RARB: variants seen among roughly 807,000 people sequenced by gnomAD.
RARB encodes HBV-activated protein.
Under a neutral mutation model 51.9 loss-of-function variants are expected in RARB, and 17 were observed. The observed-to-expected ratio is 0.33, with a 90% CI of 0.22 to 0.49. The LOEUF (loss-of-function observed/expected upper bound fraction) is 0.49, where lower values mean the gene tolerates loss of function less well. Among genes scored for constraint, RARB ranks in the 20% least tolerant of loss-of-function variants. The probability of loss-of-function intolerance (pLI) is 0.99; values close to 1 mark genes in which losing one functional copy is unlikely to be tolerated. For missense variants in RARB, 369 were observed against 550.8 expected (o/e 0.67, Z 3.30); for synonymous variants, 215 against 195.4 (o/e 1.10, Z -0.84).
In RARB at chr3:24,970,238, CT is replaced by C. The variant is rs537430259; in HGVS notation, c.-379-89883del. On this transcript the variant is annotated intron_variant, in intron 2 of 11. Coordinates refer to the RARB transcript ENST00000383772. ...TGCTGATTTAGAAGGAATTCTACATCTTTTAAGCAATCAGCAAAGCAAAGAA... is the reference window on the plus strand; with the variant it reads ...TGCTGATTTAGAAGGAATTCTACATCTTTAAGCAATCAGCAAAGCAAAGAA... 1.8e-3 allele frequency among the ~76,000 whole-genome samples: 270 copies of C among 152,134 alleles called. 2 individuals are homozygous for C. The highest frequency in any genetic ancestry group is 6.8e-3 in the Middle Eastern group (2 of 294).
At chr3:25,110,405 A>G (rs569090867) in intron 3 of RARB, among the ~76,000 whole-genome samples, 2 of 152,354 alleles carry the variant, frequency 1.3e-5, no homozygotes, top group African/African-American at 2.4e-5. Context: ...AGAGATGCCA[A>G]AATCACTCAG....
At chr3:25,409,868 T>C (rs548004784) in intron 5 of RARB, among the ~76,000 whole-genome samples, 11 of 152,336 alleles carry the variant, frequency 7.2e-5, no homozygotes, top group African/African-American at 2.4e-4. Flanking sequence ...CCAGGAATCC[T>C]TCAGTGTTTA....
At chr3:25,531,388 GTAGATAGATAGATAGATAGATAGATAGA>G (rs142863604) in intron 3 of RARB, among the ~76,000 whole-genome samples, 1 of 145,330 alleles carries the variant, frequency 6.9e-6, no homozygotes, top group Non-Finnish European at 1.6e-5. Context: ...AGATAGATAG[GTAGATAGATAGATAGATAGATAGATAGA>G]TAGATAGAAG....
At chr3:25,257,427 T>C (rs1702893342) in intron 5 of RARB, among the ~76,000 whole-genome samples, 1 of 152,072 alleles carries the variant, frequency 6.6e-6, no homozygotes, top group Non-Finnish European at 1.5e-5. Context: ...AATAATTGTC[T>C]TCAGATTCTG....
chr3:25,496,401 A>G (rs529401777), intron 2 of RARB, among the ~76,000 whole-genome samples: 1 of 152,260 alleles, frequency 6.6e-6, no homozygotes, highest in African/African-American at 2.4e-5. Context: ...CCTGGAGGCC[A>G]CCTTGAGTCC....
At chr3:24,863,117 G>A in intron 2 of RARB, among the ~76,000 whole-genome samples, 1 of 152,178 alleles carries the variant, frequency 6.6e-6, no homozygotes, top group East Asian at 1.9e-4. Context: ...TGATTGATGG[G>A]GTGATGGCAG....
chr3:25,022,481 T>A (rs1697658431), intron 2 of RARB, among the ~76,000 whole-genome samples: 1 of 152,192 alleles, frequency 6.6e-6, no homozygotes, highest in African/African-American at 2.4e-5. Flanking sequence ...AGTTTCTAAT[T>A]TTTTAAATTT....
At chr3:25,553,288 G>T (rs1232320360) in intron 3 of RARB, among the ~76,000 whole-genome samples, 1 of 152,006 alleles carries the variant, frequency 6.6e-6, no homozygotes, top group Non-Finnish European at 1.5e-5. Flanking sequence ...GGTGGCCTCT[G>T]CCACTGGCGC....
intron 2 of RARB, among the ~76,000 whole-genome samples, chr3:25,489,560 G>A (rs923042117): frequency 2.0e-5 from 3 of 152,216 alleles, no homozygotes; most frequent in Non-Finnish European, 4.4e-5. Context: ...ATCCCTGCCT[G>A]CAAAGGACTC....
intron 5 of RARB, among the ~76,000 whole-genome samples, chr3:25,406,922 C>G (rs186722472): frequency 6.6e-6 from 1 of 152,288 alleles, no homozygotes; most frequent in South Asian, 2.1e-4. Flanking sequence ...CCCCACCAGC[C>G]CTTTGTTTTG....
intron 5 of RARB, among the ~76,000 whole-genome samples, chr3:25,313,557 A>G (rs1196603366): frequency 6.6e-6 from 1 of 152,052 alleles, no homozygotes; most frequent in East Asian, 1.9e-4. Flanking sequence ...AATATACTGT[A>G]GTGCTTGTCT....
At chr3:25,218,308 C>CG (rs1185977316) in intron 5 of RARB, among the ~76,000 whole-genome samples, 12 of 151,704 alleles carry the variant, frequency 7.9e-5, no homozygotes, top group Admixed American at 7.9e-4. Context: ...AGTGTGTGTG[C>CG]GCGCGTGTGC....
chr3:25,076,725 A>AT (rs1399270543), intron 3 of RARB, among the ~76,000 whole-genome samples: 7 of 151,874 alleles, frequency 4.6e-5, no homozygotes, highest in African/African-American at 9.7e-5. Flanking sequence ...AAAGCTTTGT[A>AT]TTTTTTTTGC....
chr3:25,144,109 C>T (rs1484252259), intron 4 of RARB, among the ~76,000 whole-genome samples: 1 of 152,190 alleles, frequency 6.6e-6, no homozygotes, highest in East Asian at 1.9e-4. Context: ...TTAGTTCATA[C>T]ATTCAACAGA....
rs189399237 is a variant in RARB, at chr3:25,543,550, T to C, written c.449-26208T>C. On this transcript the variant is annotated intron_variant, in intron 3 of 7. Transcript: ENST00000330688. ...CATTCTGGGTGGTTGGCCAAGGGGG[T>C]CACAGTTGTCCTATAATCAGATTAT... Among the ~76,000 whole-genome samples the C allele has an allele frequency of 7.2e-5, 11 of 152,052 alleles. No individual in the cohort carries two copies. The East Asian group carries it at 2.1e-3, about 30-fold the overall frequency.
intron 2 of RARB, among the ~76,000 whole-genome samples, chr3:25,032,972 T>C (rs545620722): frequency 6.6e-6 from 1 of 152,296 alleles, no homozygotes; most frequent in African/African-American, 2.4e-5. Context: ...TGAAACCCAT[T>C]ACAGTCAAAT....
At chr3:25,321,704 G>A (rs1044251729) in intron 5 of RARB, among the ~76,000 whole-genome samples, 3 of 151,782 alleles carry the variant, frequency 2.0e-5, no homozygotes, top group African/African-American at 4.8e-5. Flanking sequence ...GTGGCAGAGT[G>A]AGACTCCATC....
chr3:25,313,796 G>A (rs1026729236), intron 5 of RARB, among the ~76,000 whole-genome samples: 4 of 152,166 alleles, frequency 2.6e-5, no homozygotes, highest in South Asian at 4.1e-4. Context: ...CAGTCCAGGC[G>A]TGGTGGTTCA....
chr3:24,978,834 T>C (rs1430813075), intron 2 of RARB, among the ~76,000 whole-genome samples: 1 of 152,156 alleles, frequency 6.6e-6, no homozygotes, highest in African/African-American at 2.4e-5. Context: ...CTTCTTTTAA[T>C]TGTGATGTTA....
Sources: gnomAD v4.1 joint callset for allele counts (sites outside exome capture counted in the v4.1 genomes callset) on GRCh38, gnomAD v4.1.1 for gene constraint, MANE v1.5 for transcripts, NCBI Gene and HGNC (gene_info 2026-07-23, HGNC 2026-07-21) for gene names.